PSME3IP1: variants seen among roughly 807,000 people sequenced by gnomAD.
PSME3IP1 encodes proteasome activator subunit 3 interacting protein 1, also known as PSME3-interacting protein.
In PSME3IP1, 13 loss-of-function variants were observed where a neutral mutation model predicts 34.1. The ratio of observed to expected loss-of-function variants is 0.38; its 90% confidence interval spans 0.25 to 0.61. The LOEUF is 0.61. Ranked by LOEUF, PSME3IP1 falls within the 20% of genes least tolerant of loss-of-function variation. The pLI is 0.60. For synonymous variants in PSME3IP1, 93 were observed against 114.3 expected (o/e 0.81, Z 1.19); for missense variants, 237 against 301.4 (o/e 0.79, Z 1.58).
chr16:57,168,083 TC>T (rs1175533735), intron 4 of PSME3IP1, among the ~76,000 whole-genome samples: 2 of 152,196 alleles, frequency 1.3e-5, no homozygotes, highest in African/African-American at 4.8e-5. Context: ...CACTTCTCCC[TC>T]CGTTTTATGC....
intron 1 of PSME3IP1, among the ~76,000 whole-genome samples, chr16:57,183,461 T>C (rs2073906843): frequency 6.6e-6 from 1 of 152,084 alleles, no homozygotes; most frequent in Non-Finnish European, 1.5e-5. Flanking sequence ...GCCTCCCGAA[T>C]AGCTGGGATT....
At chr16:57,161,806 C>T (rs1490238463) in intron 6 of PSME3IP1, among the ~76,000 whole-genome samples, 2 of 151,956 alleles carry the variant, frequency 1.3e-5, no homozygotes, top group South Asian at 2.1e-4. Context: ...TCACCGCGCC[C>T]GGCCAAGATC....
Position 57,167,573 on chromosome 16 carries a change from G to A in PSME3IP1, c.349-347C>T, listed in dbSNP as rs529131431. ...ATATAAAGAAAACAGAAAAAAAAAT[G>A]TGGCTTCCCTGAAAACATGCTTCCC... On this transcript the variant is annotated intron_variant, in intron 4 of 6. Coordinates refer to ENST00000309137, the MANE Select transcript of PSME3IP1 (RefSeq NM_024946.4). Among the ~76,000 whole-genome samples the A allele has an allele frequency of 2.8e-3, 421 of 152,284 alleles. 3 individuals are homozygous for A. The highest frequency in any genetic ancestry group is 9.6e-3 in the African/African-American group (400 of 41,562).
intron 4 of PSME3IP1, among the ~76,000 whole-genome samples, chr16:57,168,942 TA>T (rs571178733): frequency 1.3e-3 from 188 of 148,492 alleles, no homozygotes; most frequent in South Asian, 3.2e-3. Flanking sequence ...TATTAAATAT[TA>T]AAAAAAAACA....
intron 1 of PSME3IP1, chr16:57,178,403 T>A (rs1248417876): frequency 3.7e-6 from 1 of 270,972 alleles, no homozygotes; most frequent in Non-Finnish European, 5.7e-6. Context: ...TTATTCTTTG[T>A]GTTTTATCAT....
At position 57,154,487 on chromosome 16, in the gene PSME3IP1, G is replaced by A. The variant is rs758251659; in HGVS notation, c.568C>T (p.Leu190Phe). The change falls in exon 7 of 7, where the codon CTC becomes TTC. Residue 190 changes from leucine to phenylalanine, a missense_variant. Coordinates refer to ENST00000309137, the MANE Select transcript of PSME3IP1 (RefSeq NM_024946.4). This position sits in a 1 kb window ranked among gnomAD's most constrained non-coding sequence, Gnocchi z 4.0. ...KNQEPSSCKS[L>F]GNTSLSGPSI... is the part of the protein sequence containing the mutation. ...GGGCCACTCAGGGAGGTGTTTCCGA[G>A]AGACTTGCAGGATGAGGGCTCTGCA... 6.2e-6 allele frequency: 10 copies of A among 1,610,946 alleles called. No homozygotes were observed. The South Asian group carries it at 9.9e-5, about 16-fold the overall frequency.
chr16:57,158,072 A>G (rs781753024), intron 6 of PSME3IP1, among the ~76,000 whole-genome samples: 4 of 152,156 alleles, frequency 2.6e-5, no homozygotes, highest in African/African-American at 9.7e-5. Context: ...TTGCATTCAC[A>G]AGGGTCAGAA....
intron 1 of PSME3IP1, chr16:57,174,339 T>C: frequency 1.6e-6 from 1 of 632,122 alleles, no homozygotes; most frequent in Non-Finnish European, 2.0e-6. Context: ...AGGCCATTGA[T>C]GAAAGCACAT....
At chr16:57,178,962 T>C in intron 1 of PSME3IP1, 1 of 216,898 alleles carries the variant, frequency 4.6e-6, no homozygotes, top group Non-Finnish European at 7.9e-6. Context: ...TCTAGGTAAA[T>C]TTTCACAAGT....
rs74544530 is a variant in PSME3IP1 at position 57,154,485 on chromosome 16, G to C, written c.570C>G (p.Leu190=). The C allele has an allele frequency of 6.2e-7, 1 of 1,611,414 alleles. No homozygotes were observed. Among genetic ancestry groups the C allele is most frequent in the Non-Finnish European group, 8.5e-7 (1 of 1,178,212 alleles). Residue 190 remains leucine (L), a synonymous_variant, in exon 7 of 7, where the codon CTC becomes CTG. Transcript: ENST00000309137. This position sits in a 1 kb window ranked among gnomAD's most constrained non-coding sequence, Gnocchi z 4.0. ...AGGGGCCACTCAGGGAGGTGTTTCC[G>C]AGAGACTTGCAGGATGAGGGCTCTG... ...KNQEPSSCKS[L]GNTSLSGPSI... is the part of the protein sequence containing the mutation.
At chr16:57,184,188 G>A (rs1210050494) in intron 1 of PSME3IP1, among the ~76,000 whole-genome samples, 1 of 151,308 alleles carries the variant, frequency 6.6e-6, no homozygotes, top group Non-Finnish European at 1.5e-5. Context: ...AATGTACTAC[G>A]AAAGAACAGA....
At chr16:57,166,182 A>G (rs1370296264) in intron 5 of PSME3IP1, among the ~76,000 whole-genome samples, 5 of 152,246 alleles carry the variant, frequency 3.3e-5, no homozygotes, top group Admixed American at 2.6e-4. Flanking sequence ...CTCCCTTCAA[A>G]ACATATGGCT....
Position 57,154,798 on chromosome 16 carries a change from C to T in PSME3IP1, c.548-291G>A, listed in dbSNP as rs1382840924. Among the ~76,000 whole-genome samples the T allele has an allele frequency of 6.6e-6, 1 of 152,112 alleles. No homozygotes were observed. Among genetic ancestry groups the T allele is most frequent in the Non-Finnish European group, 1.5e-5 (1 of 68,022 alleles). ...ACACTCTCTTGTTCCCCATCAAATC[C>T]GAGTTGGAGAACAAGCTACTCTGGA... is the stretch of plus-strand genomic sequence containing the variant. On this transcript the variant is annotated intron_variant, in intron 6 of 6. Coordinates refer to ENST00000309137, the MANE Select transcript of PSME3IP1 (RefSeq NM_024946.4). The surrounding 1 kb of genome is among the most constrained non-coding windows in gnomAD (Gnocchi z 4.0).
intron 1 of PSME3IP1, among the ~76,000 whole-genome samples, chr16:57,179,603 T>C (rs1222124902): frequency 6.6e-6 from 1 of 152,214 alleles, no homozygotes; most frequent in East Asian, 1.9e-4. Context: ...AGTAATGAGA[T>C]CTGGTTTCCT....
chr16:57,172,341 C>G lies in PSME3IP1; in HGVS notation c.258G>C (p.Glu86Asp). 1 of 1,613,828 alleles carries G rather than the reference C, an allele frequency of 6.2e-7. No homozygotes were observed. The highest frequency in any genetic ancestry group is 1.1e-5 in the South Asian group (1 of 91,068). ...KNMVRGLDED[E>D]TNFLDEVSRQ... The stretch of plus-strand genomic sequence containing the variant: ...GAGAAACCTCATCAAGGAAGTTGGT[C>G]TCATCTTCATCTAAGCCTCTTACCA... Residue 86 changes from glutamate to aspartate, a missense_variant, in exon 4 of 7, where the codon GAG becomes GAC. Transcript: ENST00000309137.
In PSME3IP1 at chr16:57,163,863, A is replaced by C. The variant is rs1226082739; in HGVS notation, c.547+138T>G. 7 of 846,892 alleles carry C rather than the reference A, an allele frequency of 8.3e-6. No homozygotes were observed. The East Asian group carries it at 1.5e-4, about 18-fold the overall frequency. The allele number at this position is 846,892 out of a possible 1,614,324, so 52.5% of individuals were successfully genotyped here. On this transcript the variant is annotated intron_variant, in intron 6 of 6. Transcript: ENST00000309137. ...GGTAATAAAATCCTGCCTGGCATAA[A>C]AAAGTTGGGTAAATTAAGCATAGGT...
intron 6 of PSME3IP1, among the ~76,000 whole-genome samples, chr16:57,155,831 G>A (rs1379093702): frequency 2.0e-5 from 3 of 151,490 alleles, no homozygotes; most frequent in East Asian, 1.9e-4. Flanking sequence ...AACTAGTCGG[G>A]TATAGTGGTG....
intron 5 of PSME3IP1, 137 bp downstream of exon 5, chr16:57,166,956 G>A: frequency 1.1e-6 from 1 of 924,818 alleles, no homozygotes; most frequent in South Asian, 1.6e-5. Flanking sequence ...AATCTGGAAA[G>A]GGAGAGATAG....
chr16:57,160,528 A>C (rs1461890173), intron 6 of PSME3IP1, among the ~76,000 whole-genome samples: 1 of 152,244 alleles, frequency 6.6e-6, no homozygotes, highest in East Asian at 1.9e-4. Context: ...TATCAAGTCT[A>C]CTTCAAAGTA....
Sources: allele counts gnomAD v4.1 joint callset (sites outside exome capture counted in the v4.1 genomes callset), GRCh38; gene constraint gnomAD v4.1.1; non-coding constraint Gnocchi (gnomAD v3.1); transcripts MANE v1.5; gene names NCBI Gene and HGNC (gene_info 2026-07-23, HGNC 2026-07-21).